The following NUDT3 variants were observed in gnomAD, a reference collection of about 807,000 sequenced individuals.
NUDT3 encodes diphosphoinositol polyphosphate phosphohydrolase 1.
Under a neutral mutation model 23.6 loss-of-function variants are expected in NUDT3, and 9 were observed. That is an observed-to-expected ratio of 0.38 (90% CI 0.23 to 0.66). The LOEUF is 0.66. NUDT3 is among the 30% of genes least tolerant of loss of function. The pLI, the probability that NUDT3 is intolerant of heterozygous loss-of-function variation, is 0.52. For synonymous variants in NUDT3, 86 were observed against 82.6 expected (o/e 1.04, Z -0.22); for missense variants, 172 against 218.5 (o/e 0.79, Z 1.34).
chr6:34,307,354 C>T (rs150462944), intron 2 of NUDT3, among the ~76,000 whole-genome samples: 5 of 152,142 alleles, frequency 3.3e-5, no homozygotes, highest in Middle Eastern at 6.8e-3. Flanking sequence ...CGAGGCAAGA[C>T]GATGGCTTGA....
At chr6:34,316,912 T>G (rs1242414778) in intron 2 of NUDT3, among the ~76,000 whole-genome samples, 3 of 152,050 alleles carry the variant, frequency 2.0e-5, no homozygotes, top group Non-Finnish European at 4.4e-5. Flanking sequence ...CCTACTGTGT[T>G]GAAAGTAGTA....
intron 2 of NUDT3, among the ~76,000 whole-genome samples, chr6:34,304,053 G>C (rs1375182121): frequency 6.6e-6 from 1 of 152,066 alleles, no homozygotes; most frequent in Non-Finnish European, 1.5e-5. Flanking sequence ...AGGAGTTCGA[G>C]AGTAGCCTGG....
intron 1 of NUDT3, among the ~76,000 whole-genome samples, chr6:34,381,043 G>T (rs996279647): frequency 6.6e-5 from 10 of 151,812 alleles, no homozygotes; most frequent in African/African-American, 9.7e-5. Flanking sequence ...TTTAGACAGG[G>T]TCTTACTCTG....
chr6:34,341,387 T>C (rs962252099), intron 2 of NUDT3, among the ~76,000 whole-genome samples: 1 of 152,138 alleles, frequency 6.6e-6, no homozygotes, highest in African/African-American at 2.4e-5. Flanking sequence ...AAAAAGAAGA[T>C]ACTATTCTCT....
At chr6:34,291,175 T>G (rs1269580095) in intron 4 of NUDT3, among the ~76,000 whole-genome samples, 3 of 152,084 alleles carry the variant, frequency 2.0e-5, no homozygotes, top group Non-Finnish European at 4.4e-5. Context: ...GACAGGCTGG[T>G]CTCGAACTCC....
chr6:34,392,565 G>A lies in NUDT3; in HGVS notation c.-203C>T. On this transcript the variant is annotated 5_prime_UTR_variant, in exon 1 of 5. It adds an upstream start codon to the 5' untranslated region. Transcript: ENST00000607016. ...CAGGTCCCGCGCCGCCGCTGCCACC[G>A]TCACGGCTGCCGTCTCCGCTGCCGC... 5.4e-6 allele frequency: 2 copies of A among 367,734 alleles called. No homozygotes were observed. The highest frequency in any genetic ancestry group is 4.9e-6 in the Non-Finnish European group (1 of 205,582). The allele number at this position is 367,734 out of a possible 1,614,324, so 22.8% of individuals were successfully genotyped here. A position where few individuals can be genotyped will look rare whatever the true frequency, so the allele number is the denominator to read the frequency against.
chr6:34,346,269 T>C (rs1434834232), intron 1 of NUDT3, among the ~76,000 whole-genome samples: 1 of 152,086 alleles, frequency 6.6e-6, no homozygotes, highest in Non-Finnish European at 1.5e-5. Context: ...TTTATCCAAC[T>C]ACAAAAAGAT....
intron 1 of NUDT3, among the ~76,000 whole-genome samples, chr6:34,365,022 AAAAT>A (rs899382481): frequency 6.6e-6 from 1 of 152,206 alleles, no homozygotes; most frequent in Non-Finnish European, 1.5e-5. Flanking sequence ...CTTCGTCTCA[AAAAT>A]AAATAAATAA....
At chr6:34,342,026 C>A in intron 1 of NUDT3, 54 bp from the exon 2 acceptor site, 1 of 1,522,950 alleles carries the variant, frequency 6.6e-7, no homozygotes, top group Non-Finnish European at 9.0e-7. Context: ...GACACATCCA[C>A]ACAAATTCAG....
intron 2 of NUDT3, among the ~76,000 whole-genome samples, chr6:34,305,155 T>A (rs571291907): frequency 1.2e-3 from 179 of 151,722 alleles, no homozygotes; most frequent in African/African-American, 4.2e-3. Flanking sequence ...GCTAATTTTT[T>A]AATTTTTAGT....
At chr6:34,315,522 T>C (rs1165001421) in intron 2 of NUDT3, among the ~76,000 whole-genome samples, 1 of 152,214 alleles carries the variant, frequency 6.6e-6, no homozygotes, top group East Asian at 1.9e-4. Context: ...CACTATTCAA[T>C]GGCATTAAAG....
rs375257819 is a variant in NUDT3 at position 34,368,727 on chromosome 6, C to T, written c.99+23537G>A. ...ACTCTCAGTTCACTGCAAACTCCAC[C>T]TCCTGGGTTCACACCATTCTCCTGC... On this transcript the variant is annotated intron_variant, in intron 1 of 4. Coordinates refer to ENST00000607016, the MANE Select transcript of NUDT3 (RefSeq NM_006703.4). 4.6e-5 allele frequency among the ~76,000 whole-genome samples: 7 copies of T among 152,266 alleles called. No homozygotes were observed. The East Asian group carries it at 9.7e-4, about 21-fold the overall frequency.
chr6:34,347,851 G>A (rs940038224), intron 1 of NUDT3, among the ~76,000 whole-genome samples: 3 of 151,914 alleles, frequency 2.0e-5, no homozygotes, highest in African/African-American at 7.3e-5. Context: ...ATACCTGCCC[G>A]GACGTACTGG....
At chr6:34,327,187 C>A (rs1022589812) in intron 2 of NUDT3, among the ~76,000 whole-genome samples, 1 of 152,006 alleles carries the variant, frequency 6.6e-6, no homozygotes, top group African/African-American at 2.4e-5. Flanking sequence ...GTAGCCGAAA[C>A]AGAGAGGGAA....
intron 1 of NUDT3, among the ~76,000 whole-genome samples, chr6:34,388,420 G>C (rs1765144434): frequency 6.6e-6 from 1 of 151,894 alleles, no homozygotes; most frequent in Non-Finnish European, 1.5e-5. Context: ...ATTCTATCTT[G>C]ATTAAGGCCA....
At chr6:34,367,339 G>A (rs1026074195) in intron 1 of NUDT3, among the ~76,000 whole-genome samples, 1 of 151,944 alleles carries the variant, frequency 6.6e-6, no homozygotes, top group Non-Finnish European at 1.5e-5. Context: ...AAAATTAGCC[G>A]GGTGTGGTGG....
At chr6:34,346,723 A>G (rs974721923) in intron 1 of NUDT3, among the ~76,000 whole-genome samples, 4 of 151,520 alleles carry the variant, frequency 2.6e-5, no homozygotes, top group African/African-American at 9.7e-5. Context: ...TTGACAACCT[A>G]TTGAAAATTT....
chr6:34,328,521 C>T (rs1233908937), intron 2 of NUDT3, among the ~76,000 whole-genome samples: 1 of 152,158 alleles, frequency 6.6e-6, no homozygotes, highest in Non-Finnish European at 1.5e-5. Context: ...ATTCAAGCAT[C>T]TGTGTATACT....
At chr6:34,382,132 C>T (rs1187074746) in intron 1 of NUDT3, among the ~76,000 whole-genome samples, 1 of 149,816 alleles carries the variant, frequency 6.7e-6, no homozygotes, top group Non-Finnish European at 1.5e-5. Context: ...TGTGGTGGCT[C>T]GTGCACGTAA....
Sources: allele counts gnomAD v4.1 joint callset (sites outside exome capture counted in the v4.1 genomes callset), GRCh38; gene constraint gnomAD v4.1.1; transcripts MANE v1.5; gene names NCBI Gene and HGNC (gene_info 2026-07-23, HGNC 2026-07-21).